The following TMPRSS5 variants were observed in gnomAD, a reference collection of about 807,000 sequenced individuals.
The protein encoded by TMPRSS5 is transmembrane serine protease 5.
In TMPRSS5, 45 loss-of-function variants were observed where a neutral mutation model predicts 59.7. The ratio of observed to expected loss-of-function variants is 0.75; its 90% CI spans 0.59 to 0.97. The LOEUF (loss-of-function observed/expected upper bound fraction) is 0.97. Among genes scored for constraint, TMPRSS5 ranks in the 50% least tolerant of loss-of-function variants. The probability of loss-of-function intolerance (pLI) is 0.00; values close to 1 mark genes in which losing one functional copy is unlikely to be tolerated. For missense variants in TMPRSS5, 585 were observed against 596.7 expected, an observed-to-expected ratio of 0.98 and a Z score of 0.20; for synonymous variants, 225 against 232.0, an observed-to-expected ratio of 0.97 and a Z score of 0.27.
chr11:113,691,947 G>A (rs1233323605), intron 9 of TMPRSS5, among the ~76,000 whole-genome samples: 1 of 143,520 alleles, frequency 7.0e-6, no homozygotes, highest in Non-Finnish European at 1.5e-5. Context: ...GAGTGCAGTG[G>A]CATGATCTCA....
intron 7 of TMPRSS5, among the ~76,000 whole-genome samples, chr11:113,695,072 C>T (rs1952890897): frequency 6.6e-6 from 1 of 152,128 alleles, no homozygotes; most frequent in Non-Finnish European, 1.5e-5. Context: ...ACAGGTCACT[C>T]AATAGCCAAT....
intron 1 of TMPRSS5, among the ~76,000 whole-genome samples, chr11:113,705,408 A>G (rs908493835): frequency 2.0e-5 from 3 of 151,928 alleles, no homozygotes; most frequent in African/African-American, 4.8e-5. Context: ...CAGCCCCAAC[A>G]TCTTGCCTAT....
chr11:113,693,343 A>G, intron 8 of TMPRSS5, 94 bp from the exon 9 acceptor site: 3 of 1,369,092 alleles, frequency 2.2e-6, no homozygotes, highest in South Asian at 1.5e-5. Flanking sequence ...CAGAGCAGCC[A>G]TTGGTGGGGG....
At chr11:113,699,107 C>A in intron 3 of TMPRSS5, 80 bp from the exon 4 acceptor site, 2 of 1,513,212 alleles carry the variant, frequency 1.3e-6, no homozygotes, top group Non-Finnish European at 1.8e-6. Flanking sequence ...AGCCACCTTG[C>A]TCTCAGGCAG....
chr11:113,692,671 A>C (rs1242819477), intron 9 of TMPRSS5, among the ~76,000 whole-genome samples: 1 of 152,178 alleles, frequency 6.6e-6, no homozygotes, highest in East Asian at 1.9e-4. Flanking sequence ...ACTATCTATC[A>C]GGGTTGTTAC....
At chr11:113,699,732 C>T (rs1238924500) in intron 2 of TMPRSS5, 39 bp from the exon 3 acceptor site, 5 of 1,537,574 alleles carry the variant, frequency 3.3e-6, no homozygotes, top group South Asian at 1.2e-5. Context: ...GTCCCCTGCT[C>T]CTGCCAGCCT....
At chr11:113,694,746 T>A in intron 7 of TMPRSS5, 106 bp from the exon 8 acceptor site, 1 of 1,120,858 alleles carries the variant, frequency 8.9e-7, no homozygotes, top group South Asian at 1.7e-5. Flanking sequence ...AGAGCCAGTG[T>A]GGACAGCTCT....
At chr11:113,692,727 G>A (rs1421483646) in intron 9 of TMPRSS5, among the ~76,000 whole-genome samples, 1 of 152,172 alleles carries the variant, frequency 6.6e-6, no homozygotes, top group Non-Finnish European at 1.5e-5. Context: ...CTCATAAACT[G>A]TAACATGGCA....
At chr11:113,705,812 G>A (rs1463146691) in intron 1 of TMPRSS5, among the ~76,000 whole-genome samples, 1 of 152,132 alleles carries the variant, frequency 6.6e-6, no homozygotes, top group Non-Finnish European at 1.5e-5. Flanking sequence ...AGGAAGCTTG[G>A]CTTTAAACCC....
intron 11 of TMPRSS5, 38 bp downstream of exon 11, chr11:113,690,192 CT>C: frequency 6.7e-7 from 1 of 1,487,080 alleles, no homozygotes; most frequent in Non-Finnish European, 9.0e-7. Flanking sequence ...CCACCCCCAC[CT>C]CCACTCCCAC....
At chr11:113,695,589 C>A (rs911271563) in intron 6 of TMPRSS5, 146 bp from the exon 7 acceptor site, 1 of 779,448 alleles carries the variant, frequency 1.3e-6, no homozygotes, top group South Asian at 1.6e-5. Flanking sequence ...AGAATACCAC[C>A]ATTTCCTTCC....
chr11:113,692,762 G>A (rs1952818052), intron 9 of TMPRSS5, among the ~76,000 whole-genome samples: 1 of 152,180 alleles, frequency 6.6e-6, no homozygotes. Flanking sequence ...CCCGAGGCTA[G>A]CCTGGGGACA....
In TMPRSS5 at chr11:113,688,083, G is replaced by A; in HGVS notation, c.*177C>T. On this transcript the variant is annotated 3_prime_UTR_variant, in exon 13 of 13. Transcript: ENST00000299882. ...ACTCTGAAATCAGGGCCCAAGAGGA[G>A]AGACCTGTTGGCTGGGTGGCTGGCC... The A allele has an allele frequency of 2.0e-6, 2 of 990,788 alleles. No individual in the cohort carries two copies. The highest frequency in any genetic ancestry group is 2.7e-6 in the Non-Finnish European group (2 of 735,002). 61.4% of individuals were successfully genotyped at this position (990,788 alleles called of 1,614,324 possible).
intron 1 of TMPRSS5, among the ~76,000 whole-genome samples, chr11:113,703,479 A>G (rs1057283077): frequency 1.3e-5 from 2 of 152,204 alleles, no homozygotes; most frequent in African/African-American, 4.8e-5. Context: ...TTTTGGGTTA[A>G]TGCTGGAACG....
chr11:113,695,717 G>A (rs563033061), intron 6 of TMPRSS5, among the ~76,000 whole-genome samples: 20 of 152,238 alleles, frequency 1.3e-4, no homozygotes, highest in African/African-American at 4.3e-4. Flanking sequence ...CAGATCAACT[G>A]GGACATAGTG....
intron 12 of TMPRSS5, 36 bp downstream of exon 12, chr11:113,689,729 G>C: frequency 6.3e-7 from 1 of 1,593,220 alleles, no homozygotes; most frequent in Non-Finnish European, 8.6e-7. Context: ...AGGTCCTTTA[G>C]AAATCTCCCT....
intron 9 of TMPRSS5, among the ~76,000 whole-genome samples, chr11:113,692,518 A>G (rs952319174): frequency 1.2e-4 from 18 of 152,134 alleles, no homozygotes; most frequent in African/African-American, 4.1e-4. Context: ...GGCTGCTGGT[A>G]TAGCTCCAGC....
At chr11:113,703,769 T>C (rs1010571665) in intron 1 of TMPRSS5, among the ~76,000 whole-genome samples, 1 of 152,230 alleles carries the variant, frequency 6.6e-6, no homozygotes, top group African/African-American at 2.4e-5. Context: ...CCCTTTACTC[T>C]GCACTTCTTT....
At chr11:113,696,631 A>G (rs1461217848) in intron 6 of TMPRSS5, among the ~76,000 whole-genome samples, 6 of 152,214 alleles carry the variant, frequency 3.9e-5, no homozygotes, top group Non-Finnish European at 8.8e-5. Context: ...GACAATAATA[A>G]CCAACCCTAC....
Sources: gnomAD v4.1 joint callset for allele counts (sites outside exome capture counted in the v4.1 genomes callset) on GRCh38, gnomAD v4.1.1 for gene constraint, MANE v1.5 for transcripts, NCBI Gene and HGNC (gene_info 2026-07-23, HGNC 2026-07-21) for gene names.